CFAP299: variants seen among roughly 807,000 people sequenced by gnomAD.
CFAP299 encodes the protein cilia- and flagella-associated protein 299.
CFAP299 carries 21 observed loss-of-function variants against 27.0 expected under a neutral mutation model. That is an observed-to-expected ratio of 0.78 (90% CI 0.55 to 1.12). CFAP299 has a LOEUF of 1.12. Ranked by LOEUF, CFAP299 falls within the 50% of genes most tolerant of loss-of-function variation. CFAP299 has a pLI of 0.00. For missense variants in CFAP299, 310 were observed against 276.6 expected (o/e 1.12, Z -0.86); for synonymous variants, 104 against 98.1 (o/e 1.06, Z -0.36).
intron 3 of CFAP299, among the ~76,000 whole-genome samples, chr4:80,767,601 T>A (rs1014605903): frequency 6.6e-5 from 10 of 152,126 alleles, no homozygotes; most frequent in Admixed American, 1.3e-4. Flanking sequence ...AGAGCGAGAC[T>A]CCGTCTCAAA....
intron 1 of CFAP299, among the ~76,000 whole-genome samples, chr4:80,336,903 G>C (rs894913777): frequency 3.3e-5 from 5 of 152,180 alleles, no homozygotes; most frequent in Non-Finnish European, 5.9e-5. Flanking sequence ...CTGCAACAAG[G>C]TAACTGCATT....
intron 3 of CFAP299, among the ~76,000 whole-genome samples, chr4:80,700,329 A>G (rs1264219043): frequency 2.0e-5 from 3 of 152,150 alleles, no homozygotes; most frequent in Non-Finnish European, 2.9e-5. Context: ...AGAACAATGA[A>G]TGGCACTTAA....
At chr4:80,659,627 G>T (rs1280146782) in intron 3 of CFAP299, among the ~76,000 whole-genome samples, 2 of 151,938 alleles carry the variant, frequency 1.3e-5, no homozygotes, top group Non-Finnish European at 2.9e-5. Context: ...AAAACAGTTT[G>T]TTAATATCTT....
intron 3 of CFAP299, among the ~76,000 whole-genome samples, chr4:80,696,193 C>T (rs1290665439): frequency 3.3e-5 from 5 of 150,916 alleles, no homozygotes; most frequent in East Asian, 2.0e-4. Context: ...TCCAGCTACT[C>T]GGGAGGCTGA....
chr4:80,589,337 T>C (rs984308076), intron 3 of CFAP299, among the ~76,000 whole-genome samples: 2 of 152,124 alleles, frequency 1.3e-5, no homozygotes, highest in Non-Finnish European at 2.9e-5. Flanking sequence ...AGAAAGAAAC[T>C]CATCCATGGA....
intron 3 of CFAP299, among the ~76,000 whole-genome samples, chr4:80,849,517 G>A (rs935875272): frequency 6.6e-6 from 1 of 152,176 alleles, no homozygotes; most frequent in Non-Finnish European, 1.5e-5. Flanking sequence ...GTTTCTGAGG[G>A]CATATTCCCA....
At chr4:80,603,218 A>C (rs1401650759) in intron 3 of CFAP299, among the ~76,000 whole-genome samples, 1 of 152,222 alleles carries the variant, frequency 6.6e-6, no homozygotes, top group Non-Finnish European at 1.5e-5. Context: ...TTTACATATT[A>C]ATTTTAAAAA....
At chr4:80,626,070 A>T (rs1026428111) in intron 3 of CFAP299, among the ~76,000 whole-genome samples, 4 of 151,924 alleles carry the variant, frequency 2.6e-5, no homozygotes, top group Non-Finnish European at 5.9e-5. Flanking sequence ...TTCACCCCAA[A>T]GCTGCAGAAT....
intron 2 of CFAP299, among the ~76,000 whole-genome samples, chr4:80,442,646 A>T (rs1405045591): frequency 6.6e-6 from 1 of 152,214 alleles, no homozygotes; most frequent in Non-Finnish European, 1.5e-5. Context: ...GAGAAACAAG[A>T]GCAAATTCAA....
chr4:80,944,681 C>T lies in CFAP299; in HGVS notation c.477-129C>T, dbSNP rs1737378716. On this transcript the variant is annotated intron_variant, in intron 4 of 5. Transcript: ENST00000358105. Reference sequence around the variant, plus strand: ...CAAGAATTTTAATCTCAAATGTGTTCTACATGGTTGTATGGCATGTTTGTA... The same window carrying T: ...CAAGAATTTTAATCTCAAATGTGTTTTACATGGTTGTATGGCATGTTTGTA... 5 of 656,814 alleles carry T rather than the reference C, an allele frequency of 7.6e-6. 1 individual carries two copies. In the South Asian group the frequency reaches 1.0e-4, roughly 14 times the overall value. 40.7% of individuals were successfully genotyped at this position (656,814 alleles called of 1,614,324 possible). A position where few individuals can be genotyped will look rare whatever the true frequency, so the allele number is the denominator to read the frequency against.
At chr4:80,608,904 AAG>A (rs1196818925) in intron 3 of CFAP299, among the ~76,000 whole-genome samples, 6 of 150,806 alleles carry the variant, frequency 4.0e-5, no homozygotes, top group African/African-American at 7.3e-5. Flanking sequence ...TGCACAGAGA[AAG>A]AGGGGATGAT....
At chr4:80,414,766 T>C (rs553083208) in intron 2 of CFAP299, among the ~76,000 whole-genome samples, 1 of 152,330 alleles carries the variant, frequency 6.6e-6, no homozygotes, top group Non-Finnish European at 1.5e-5. Flanking sequence ...ACTAACCCCC[T>C]CTGTACCCAC....
chr4:80,651,651 CA>C (rs376851263), intron 3 of CFAP299, among the ~76,000 whole-genome samples: 53 of 151,428 alleles, frequency 3.5e-4, no homozygotes, highest in African/African-American at 1.3e-3. Context: ...AGGAATGAGC[CA>C]CCGTGCCCGG....
intron 3 of CFAP299, among the ~76,000 whole-genome samples, chr4:80,642,526 G>T (rs1739779285): frequency 6.6e-6 from 1 of 152,170 alleles, no homozygotes; most frequent in Admixed American, 6.5e-5. Flanking sequence ...AGCACTTTGG[G>T]AGGCCACGGC....
chr4:80,828,665 T>C (rs1351796555), intron 3 of CFAP299, among the ~76,000 whole-genome samples: 4 of 151,956 alleles, frequency 2.6e-5, no homozygotes, highest in African/African-American at 7.2e-5. Flanking sequence ...CCTTCAACCA[T>C]GATTGTAAGC....
intron 3 of CFAP299, among the ~76,000 whole-genome samples, chr4:80,673,510 T>C (rs1332596798): frequency 6.6e-6 from 1 of 151,940 alleles, no homozygotes; most frequent in East Asian, 1.9e-4. Flanking sequence ...GAGAGTTCTG[T>C]AGGTGTCTAT....
At position 80,624,657 on chromosome 4, in the gene CFAP299, A is replaced by G. The variant is rs75551631; in HGVS notation, c.333+41474A>G. ...GGTCAAATATCTCTGATCAGATTCA[A>G]TGCAAATAAGACTATTTTAAAAATA... On this transcript the variant is annotated intron_variant, in intron 3 of 5. Coordinates refer to ENST00000358105, the MANE Select transcript of CFAP299 (RefSeq NM_152770.3). Among the ~76,000 whole-genome samples the G allele has an allele frequency of 6.8e-3, 1,029 of 152,146 alleles. 12 individuals carry two copies. The highest frequency in any genetic ancestry group is 0.024 in the African/African-American group (987 of 41,544).
At chr4:80,488,993 C>T (rs956755511) in intron 2 of CFAP299, among the ~76,000 whole-genome samples, 2 of 152,184 alleles carry the variant, frequency 1.3e-5, no homozygotes, top group Non-Finnish European at 2.9e-5. Context: ...TGTACTGATT[C>T]ACCTTTAGTG....
chr4:80,566,174 C>T (rs1477677909), intron 2 of CFAP299, among the ~76,000 whole-genome samples: 1 of 152,116 alleles, frequency 6.6e-6, no homozygotes, highest in Non-Finnish European at 1.5e-5. Flanking sequence ...CTCAGTCTTT[C>T]TCTCCATCAC....
Sources: allele counts gnomAD v4.1 joint callset (sites outside exome capture counted in the v4.1 genomes callset), GRCh38; gene constraint gnomAD v4.1.1; transcripts MANE v1.5; gene names NCBI Gene and HGNC (gene_info 2026-07-23, HGNC 2026-07-21).